The following PCDH15 variants were observed in gnomAD, a reference collection of about 807,000 sequenced individuals.
The protein encoded by PCDH15 is protocadherin related 15.
Under a neutral mutation model 178.5 loss-of-function variants are expected in PCDH15, and 129 were observed. The observed-to-expected ratio is 0.72, with a 90% CI of 0.63 to 0.84. PCDH15 has a LOEUF of 0.84. PCDH15 is among the 40% of genes least tolerant of loss of function. PCDH15 has a pLI of 0.00. For missense variants in PCDH15, 2,230 were observed against 2,099.9 expected (o/e 1.06, Z -1.21); for synonymous variants, 800 against 732.0 (o/e 1.09, Z -1.50).
At chr10:54,792,471 T>C (rs1200174697) in intron 1 of PCDH15, among the ~76,000 whole-genome samples, 1 of 151,988 alleles carries the variant, frequency 6.6e-6, no homozygotes, top group Non-Finnish European at 1.5e-5. Context: ...GGTGTGCCTG[T>C]AAAGGTGTTT....
intron 10 of PCDH15, among the ~76,000 whole-genome samples, chr10:54,204,094 C>G (rs2050528638): frequency 6.6e-6 from 1 of 152,080 alleles, no homozygotes; most frequent in Non-Finnish European, 1.5e-5. Context: ...TTCAAATAGC[C>G]TGACATTTGG....
At chr10:54,057,737 C>T (rs1459696638) in intron 18 of PCDH15, among the ~76,000 whole-genome samples, 4 of 152,224 alleles carry the variant, frequency 2.6e-5, no homozygotes, top group Admixed American at 6.5e-5. Context: ...TTGAATTTCT[C>T]CTCAGAAAAT....
At chr10:53,822,436 G>C in intron 32 of PCDH15, 1 of 1,588,676 alleles carries the variant, frequency 6.3e-7, no homozygotes, top group Non-Finnish European at 8.6e-7. Context: ...GGAGCAAGAG[G>C]AGCAGGAGCA....
intron 3 of PCDH15, among the ~76,000 whole-genome samples, chr10:54,474,077 A>G (rs2136750413): frequency 6.6e-6 from 1 of 152,072 alleles, no homozygotes; most frequent in East Asian, 1.9e-4. Context: ...ATGCAAATAA[A>G]TAAAACTTTC....
intron 2 of PCDH15, among the ~76,000 whole-genome samples, chr10:54,559,317 A>G (rs1013403526): frequency 1.3e-5 from 2 of 151,880 alleles, no homozygotes; most frequent in Admixed American, 1.3e-4. Context: ...CCTAGTAGAT[A>G]CTCTTTTAAC....
intron 18 of PCDH15, among the ~76,000 whole-genome samples, chr10:54,045,416 GA>G (rs1419818706): frequency 4.6e-5 from 7 of 152,054 alleles, no homozygotes; most frequent in Non-Finnish European, 7.4e-5. Context: ...AGTACAGAAA[GA>G]AATCACTACA....
intron 2 of PCDH15, among the ~76,000 whole-genome samples, chr10:55,027,046 T>C (rs1385297412): frequency 6.6e-6 from 1 of 151,810 alleles, no homozygotes; most frequent in African/African-American, 2.4e-5. Context: ...GGGATAGGAG[T>C]ATGTGAAAGT....
At chr10:54,196,131 T>A (rs1474773809) in intron 10 of PCDH15, among the ~76,000 whole-genome samples, 2 of 152,030 alleles carry the variant, frequency 1.3e-5, no homozygotes, top group South Asian at 4.1e-4. Flanking sequence ...TAATAAATTA[T>A]TATTATTTTA....
chr10:55,213,270 A>G (rs1446679852), intron 1 of PCDH15, among the ~76,000 whole-genome samples: 2 of 152,098 alleles, frequency 1.3e-5, no homozygotes, highest in Non-Finnish European at 2.9e-5. Flanking sequence ...ATTATCATCT[A>G]TTAGTTTCAC....
At chr10:55,091,527 AAG>A (rs1420393137) in intron 2 of PCDH15, among the ~76,000 whole-genome samples, 1 of 151,950 alleles carries the variant, frequency 6.6e-6, no homozygotes, top group Non-Finnish European at 1.5e-5. Flanking sequence ...CATAACTTTC[AAG>A]AGTTAAATTA....
chr10:54,324,934 A>G (rs967908404), intron 7 of PCDH15, among the ~76,000 whole-genome samples: 38 of 152,218 alleles, frequency 2.5e-4, no homozygotes, highest in African/African-American at 7.9e-4. Context: ...CTTTGATTCT[A>G]TGTGAATTAG....
intron 23 of PCDH15, among the ~76,000 whole-genome samples, chr10:53,957,740 T>C (rs2087773176): frequency 6.6e-6 from 1 of 152,072 alleles, no homozygotes; most frequent in African/African-American, 2.4e-5. Flanking sequence ...TGAAAAATGA[T>C]ACTGTGGATA....
intron 1 of PCDH15, among the ~76,000 whole-genome samples, chr10:54,705,847 A>C (rs528374299): frequency 6.6e-6 from 1 of 152,296 alleles, no homozygotes; most frequent in Non-Finnish European, 1.5e-5. Flanking sequence ...CTCAAATTAT[A>C]GGTGATTATA....
rs1839335279 is a variant in PCDH15, at chr10:55,447,150, C to A, written c.-156+180475G>T. On this transcript the variant is annotated intron_variant, in intron 2 of 5. Coordinates refer to the PCDH15 transcript ENST00000613346. ...AAGTAACAATTATGATATTAAACAA[C>A]AAAATGGATATGAAATAACTCCATA... 3.3e-5 allele frequency among the ~76,000 whole-genome samples: 5 copies of A among 151,976 alleles called. 1 individual carries two copies. The South Asian group carries it at 1.0e-3, about 32-fold the overall frequency.
rs551957539 is a variant in PCDH15, at chr10:54,604,524, C to T, written c.91+59648G>A. Among the ~76,000 whole-genome samples, 7 of 151,924 alleles carry T rather than the reference C, an allele frequency of 4.6e-5. No homozygotes were observed. In the South Asian group the frequency reaches 6.2e-4, roughly 14 times the overall value. ...AACCTTTTTATCTTTATGTAATGACCTTCTTTGCCCCTGGAGACAGTTTTT... is the reference window on the plus strand; with the variant it reads ...AACCTTTTTATCTTTATGTAATGACTTTCTTTGCCCCTGGAGACAGTTTTT... On this transcript the variant is annotated intron_variant, in intron 2 of 37. Transcript: ENST00000644397.
chr10:55,353,463 GT>G (rs1398805952), intron 2 of PCDH15, among the ~76,000 whole-genome samples: 1 of 152,212 alleles, frequency 6.6e-6, no homozygotes, highest in South Asian at 2.1e-4. Context: ...AAATATCCTG[GT>G]TCTAGACCAG....
chr10:54,934,780 G>T (rs1203771775), intron 2 of PCDH15, among the ~76,000 whole-genome samples: 2 of 151,624 alleles, frequency 1.3e-5, no homozygotes, highest in South Asian at 4.2e-4. Flanking sequence ...ACATGCACAC[G>T]TATGTTTATT....
intron 32 of PCDH15, chr10:53,821,055 C>T (rs1172901990): frequency 7.5e-6 from 7 of 937,790 alleles, no homozygotes; most frequent in Non-Finnish European, 8.9e-6. Context: ...AATTAAACAG[C>T]ACTTTTTAAG....
intron 2 of PCDH15, among the ~76,000 whole-genome samples, chr10:55,097,449 C>T (rs1023534600): frequency 1.3e-5 from 2 of 152,122 alleles, no homozygotes; most frequent in South Asian, 4.1e-4. Context: ...ACTGTAAACT[C>T]AAGCTCACGC....
Sources: allele counts gnomAD v4.1 joint callset (sites outside exome capture counted in the v4.1 genomes callset), GRCh38; gene constraint gnomAD v4.1.1; transcripts MANE v1.5; gene names NCBI Gene and HGNC (gene_info 2026-07-23, HGNC 2026-07-21).